Variants in SLC35D4 observed in about 807,000 individuals in gnomAD.
SLC35D4 encodes UDP-N-acetylglucosamine transporter SLC35D4.
chr18:23,421,351 C>A, the SLC35D4 span: 1 of 1,609,760 alleles, frequency 6.2e-7, no homozygotes, highest in East Asian at 2.2e-5. Flanking sequence ...ATGAGTCCAG[C>A]ATAGAGAGGT....
the SLC35D4 span, among the ~76,000 whole-genome samples, chr18:23,408,678 A>T: frequency 6.6e-6 from 1 of 152,236 alleles, no homozygotes; most frequent in African/African-American, 2.4e-5. Context: ...TTTATTAACC[A>T]TCATGTTGTA....
At chr18:23,247,970 G>A in the SLC35D4 span, among the ~76,000 whole-genome samples, 2 of 152,200 alleles carry the variant, frequency 1.3e-5, no homozygotes, top group Admixed American at 6.5e-5. Context: ...GGCCTAGCTT[G>A]GATTTTTCCC....
the SLC35D4 span, among the ~76,000 whole-genome samples, chr18:23,262,246 A>G: frequency 6.6e-6 from 1 of 152,250 alleles, no homozygotes; most frequent in Admixed American, 6.5e-5. Context: ...AAAAAGATGT[A>G]AACTGGACTA....
At chr18:23,292,467 G>A in the SLC35D4 span, among the ~76,000 whole-genome samples, 1 of 152,228 alleles carries the variant, frequency 6.6e-6, no homozygotes, top group Non-Finnish European at 1.5e-5. Flanking sequence ...CTCTGGGAAG[G>A]CAGCTGCAGT....
chr18:23,348,008 G>A, the SLC35D4 span, among the ~76,000 whole-genome samples: 1 of 152,114 alleles, frequency 6.6e-6, no homozygotes, highest in Non-Finnish European at 1.5e-5. Flanking sequence ...CACTACTTTA[G>A]CTGCATCTAT....
At chr18:23,375,973 A>C in the SLC35D4 span, among the ~76,000 whole-genome samples, 1 of 152,238 alleles carries the variant, frequency 6.6e-6, no homozygotes, top group Non-Finnish European at 1.5e-5. Flanking sequence ...GCCAGAAAGC[A>C]TAAAACCCAA....
chr18:23,277,871 C>A, the SLC35D4 span, among the ~76,000 whole-genome samples: 1 of 152,118 alleles, frequency 6.6e-6, no homozygotes, highest in Admixed American at 6.6e-5. Flanking sequence ...AGGAGGAGGG[C>A]TCAGAGGAGT....
chr18:23,313,539 T>G, the SLC35D4 span, among the ~76,000 whole-genome samples: 1 of 152,066 alleles, frequency 6.6e-6, no homozygotes, highest in Non-Finnish European at 1.5e-5. Context: ...GATCAGTAAT[T>G]CTACTAAAAA....
the SLC35D4 span, among the ~76,000 whole-genome samples, chr18:23,431,186 A>G: frequency 1.3e-5 from 2 of 151,878 alleles, no homozygotes; most frequent in Admixed American, 6.6e-5. Flanking sequence ...AAAGTAAAGA[A>G]AAAGAAAAGA....
chr18:23,243,161 G>A, the SLC35D4 span, among the ~76,000 whole-genome samples: 1 of 151,996 alleles, frequency 6.6e-6, no homozygotes, highest in Non-Finnish European at 1.5e-5. Flanking sequence ...TCTGCAGGGT[G>A]GATTTGTTGG....
the SLC35D4 span, among the ~76,000 whole-genome samples, chr18:23,285,416 G>A: frequency 6.6e-6 from 1 of 151,942 alleles, no homozygotes; most frequent in Non-Finnish European, 1.5e-5. Flanking sequence ...CTGAAATGCC[G>A]CTTGACCCCG....
At chr18:23,245,600 C>T in the SLC35D4 span, among the ~76,000 whole-genome samples, 3 of 152,110 alleles carry the variant, frequency 2.0e-5, no homozygotes, top group South Asian at 2.1e-4. Context: ...TTCTCTTTTC[C>T]TGTTATCTCA....
chr18:23,425,537 C>T, the SLC35D4 span, among the ~76,000 whole-genome samples: 11 of 152,204 alleles, frequency 7.2e-5, no homozygotes, highest in Non-Finnish European at 7.3e-5. Context: ...CTTGGCCTCG[C>T]CTACCACAAA....
chr18:23,353,674 G>A, the SLC35D4 span, among the ~76,000 whole-genome samples: 2 of 152,154 alleles, frequency 1.3e-5, no homozygotes, highest in Admixed American at 1.3e-4. Context: ...GTCATGGGAG[G>A]CTGAACAGCT....
chr18:23,286,025 A>G, the SLC35D4 span, among the ~76,000 whole-genome samples: 6 of 152,304 alleles, frequency 3.9e-5, no homozygotes, highest in East Asian at 7.7e-4. Context: ...AAAGGTCAAA[A>G]GGCCGTCTTA....
At chr18:23,358,906 T>A in the SLC35D4 span, among the ~76,000 whole-genome samples, 2 of 152,152 alleles carry the variant, frequency 1.3e-5, no homozygotes, top group Admixed American at 6.5e-5. Context: ...GCAGAGAGGG[T>A]GCACGGCAAC....
At chr18:23,377,783 G>A in the SLC35D4 span, 1 of 914,416 alleles carries the variant, frequency 1.1e-6, no homozygotes, top group Non-Finnish European at 1.5e-6. Flanking sequence ...TTTATCAAGA[G>A]CTTAACAGCT....
chr18:23,380,609 A>G, the SLC35D4 span, among the ~76,000 whole-genome samples: 1 of 152,208 alleles, frequency 6.6e-6, no homozygotes, highest in Non-Finnish European at 1.5e-5. Flanking sequence ...TGCGTCTCCT[A>G]CGTCTCTGCA....
the SLC35D4 span, among the ~76,000 whole-genome samples, chr18:23,295,578 T>C: frequency 6.6e-6 from 1 of 152,068 alleles, no homozygotes; most frequent in Non-Finnish European, 1.5e-5. Flanking sequence ...AAGGTCACTC[T>C]TAGCATTTTT....
Sources: allele counts gnomAD v4.1 joint callset (sites outside exome capture counted in the v4.1 genomes callset), GRCh38; gene constraint gnomAD v4.1.1; transcripts MANE v1.5; gene names NCBI Gene and HGNC (gene_info 2026-07-23, HGNC 2026-07-21).